The following SPNS2 variants were observed in gnomAD, a reference collection of about 807,000 sequenced individuals.
SPNS2 encodes the protein SPNS lysolipid transporter 2, sphingosine-1-phosphate.
In SPNS2, 37 loss-of-function variants were observed where a neutral mutation model predicts 57.6. That is an observed-to-expected ratio of 0.64 (90% confidence interval 0.49 to 0.85). SPNS2 has a LOEUF of 0.85. Among genes scored for constraint, SPNS2 ranks in the 40% least tolerant of loss-of-function variants. SPNS2 has a pLI of 0.00. For missense variants in SPNS2, 831 were observed against 779.1 expected (o/e 1.07, Z -0.79); for synonymous variants, 440 against 346.9 (o/e 1.27, Z -2.98).
At position 4,512,648 on chromosome 17, in the gene SPNS2, G is replaced by A. The variant is rs1388445989; in HGVS notation, c.371-599G>A. ...GGGGTGACAGTGTGTGTGTGTGCGTGCGCGCGCACGGGTATGTGTGTGCGC... is the reference window on the plus strand; with the variant it reads ...GGGGTGACAGTGTGTGTGTGTGCGTACGCGCGCACGGGTATGTGTGTGCGC... On this transcript the variant is annotated intron_variant, in intron 1 of 12. Transcript: ENST00000329078. This position sits in a 1 kb window ranked among gnomAD's most constrained non-coding sequence, Gnocchi z 5.2. Among the ~76,000 whole-genome samples, 1 of 151,880 alleles carries A rather than the reference G, an allele frequency of 6.6e-6. No individual in the cohort carries two copies. The highest frequency in any genetic ancestry group is 1.5e-5 in the Non-Finnish European group (1 of 67,906).
At chr17:4,515,699 C>T (rs191413112) in intron 2 of SPNS2, among the ~76,000 whole-genome samples, 11 of 152,358 alleles carry the variant, frequency 7.2e-5, no homozygotes, top group Non-Finnish European at 1.2e-4. Flanking sequence ...TCCCCAAGCC[C>T]GATAAGGTCG....
chr17:4,527,295 A>C (rs942391582), intron 3 of SPNS2, among the ~76,000 whole-genome samples: 1 of 152,236 alleles, frequency 6.6e-6, no homozygotes, highest in Non-Finnish European at 1.5e-5. Context: ...CAGTTATCAA[A>C]ATACAGTGAT....
rs1904868390 is a variant in SPNS2 at position 4,512,677 on chromosome 17, T to TATGTGTGTGCGCGCGC, written c.371-570_371-569insATGTGTGTGCGCGCGC. On this transcript the variant is annotated intron_variant, in intron 1 of 12. Transcript: ENST00000329078. This position sits in a 1 kb window ranked among gnomAD's most constrained non-coding sequence, Gnocchi z 5.2. ...GCGCACGGGTATGTGTGTGCGCGCG[T>TATGTGTGTGCGCGCGC]GGGTGTGTATGCATGTGTGCAGGTG... is the stretch of plus-strand genomic sequence containing the variant. Among the ~76,000 whole-genome samples, 2 of 150,516 alleles carry TATGTGTGTGCGCGCGC rather than the reference T, an allele frequency of 1.3e-5. No individual in the cohort carries two copies. Among genetic ancestry groups the TATGTGTGTGCGCGCGC allele is most frequent in the Admixed American group, 6.6e-5 (1 of 15,198 alleles).
chr17:4,536,017 C>T (rs944428584), intron 9 of SPNS2, 59 bp from the exon 10 acceptor site: 35 of 1,490,248 alleles, frequency 2.3e-5, no homozygotes, highest in South Asian at 4.7e-5. Context: ...GGCCCGGGGC[C>T]AGGGCCAAGC....
intron 2 of SPNS2, among the ~76,000 whole-genome samples, chr17:4,516,795 C>T (rs766108502): frequency 1.3e-5 from 2 of 152,166 alleles, no homozygotes; most frequent in South Asian, 2.1e-4. Flanking sequence ...AGGGAAATTC[C>T]CAGATGCCAG....
chr17:4,528,772 C>T (rs956264552), intron 3 of SPNS2, among the ~76,000 whole-genome samples: 2 of 151,652 alleles, frequency 1.3e-5, no homozygotes, highest in African/African-American at 4.8e-5. Flanking sequence ...CCCACCATGC[C>T]CAGCCTTAAA....
intron 1 of SPNS2, among the ~76,000 whole-genome samples, chr17:4,507,764 G>A (rs1320485927): frequency 1.3e-5 from 2 of 152,216 alleles, no homozygotes; most frequent in African/African-American, 4.8e-5. Context: ...CAGGGGGTAC[G>A]CGGGGACAAG....
chr17:4,524,620 G>T (rs1261616301), intron 2 of SPNS2, among the ~76,000 whole-genome samples: 2 of 152,212 alleles, frequency 1.3e-5, no homozygotes, highest in Admixed American at 1.3e-4. Context: ...GGAGATGGAG[G>T]TTGCAGTGAG....
At chr17:4,522,633 G>A (rs1294254489) in intron 2 of SPNS2, among the ~76,000 whole-genome samples, 1 of 152,208 alleles carries the variant, frequency 6.6e-6, no homozygotes, top group African/African-American at 2.4e-5. Flanking sequence ...GGCCCACGGA[G>A]GAGCAGCCGG....
chr17:4,533,112 CTG>C lies in SPNS2; in HGVS notation c.1074_1075del (p.Cys358TrpfsTer81). ...KTAETCNSPP[C>X]GAKDSLIFGA... ...CAGCAGAGACGTGCAACAGCCCGCC[CTG>C]TGGGGCCAAGGACAGGTGGGGCCCC... On this transcript the variant is annotated frameshift_variant, in exon 7 of 13. Transcript: ENST00000329078. LOFTEE classifies it high-confidence loss of function. The C allele has an allele frequency of 6.2e-7, 1 of 1,611,336 alleles. No homozygotes were observed. The highest frequency in any genetic ancestry group is 8.5e-7 in the Non-Finnish European group (1 of 1,178,922).
chr17:4,510,581 T>C lies in SPNS2; in HGVS notation c.371-2666T>C, dbSNP rs74725658. The stretch of plus-strand genomic sequence containing the variant: ...ACAGGATGTCATCATGATGGCTATT[T>C]TGATATGGCCTCCCTCCCAGAAATG... On this transcript the variant is annotated intron_variant, in intron 1 of 12. Transcript: ENST00000329078. The surrounding 1 kb of genome is among the most constrained non-coding windows in gnomAD (Gnocchi z 4.4). Among the ~76,000 whole-genome samples the C allele has an allele frequency of 2.4e-4, 37 of 152,296 alleles. No individual in the cohort carries two copies. The East Asian group carries it at 7.2e-3, about 29-fold the overall frequency.
At chr17:4,500,104 T>C (rs2326063) in intron 1 of SPNS2, among the ~76,000 whole-genome samples, 74,553 of 151,988 alleles carry the variant, frequency 0.49, 20,286 homozygotes, top group Non-Finnish European at 0.63. Flanking sequence ...TCTATGGTGC[T>C]TGGGGTGTAG....
chr17:4,532,140 ATCCATCTGTCCATCCGTCTG>A lies in SPNS2; in HGVS notation c.793-387_793-368del, dbSNP rs543950527. On this transcript the variant is annotated intron_variant, in intron 5 of 12. Coordinates refer to ENST00000329078, the MANE Select transcript of SPNS2 (RefSeq NM_001124758.3). Reference sequence around the variant, plus strand: ...CATCCGTCCGTCTATCTATCCGTTCATCCATCTGTCCATCCGTCTGTCCATCTGTCCATCTATCCGTCCAT... The same window carrying A: ...CATCCGTCCGTCTATCTATCCGTTCATCCATCTGTCCATCTATCCGTCCAT... Among the ~76,000 whole-genome samples the A allele has an allele frequency of 9.2e-3, 1,341 of 145,642 alleles. 24 individuals carry two copies. Among genetic ancestry groups the A allele is most frequent in the African/African-American group, 0.03 (1,175 of 39,612 alleles).
chr17:4,537,320 G>A (rs1003912941), intron 12 of SPNS2, 133 bp from the exon 13 acceptor site: 38 of 412,926 alleles, frequency 9.2e-5, no homozygotes, highest in Admixed American at 3.8e-4. Flanking sequence ...CCAGCAGCAC[G>A]AGACCCAGGG....
rs1567599183 is a variant in SPNS2 at position 4,537,698 on chromosome 17, A to G, written c.*250A>G. ...GTTCCCAGCCCTAGGTTTGGGCCGC[A>G]GGGCCCCTGGGGCCAAGGAAGAAGA... On this transcript the variant is annotated 3_prime_UTR_variant, in exon 13 of 13. Coordinates refer to ENST00000329078, the MANE Select transcript of SPNS2 (RefSeq NM_001124758.3). 2.2e-6 allele frequency: 1 copy of G among 456,756 alleles called. No homozygotes were observed. The highest frequency in any genetic ancestry group is 1.5e-5 in the South Asian group (1 of 64,574). The allele number at this position is 456,756 out of a possible 1,614,324, so 28.3% of individuals were successfully genotyped here. A position where few individuals can be genotyped will look rare whatever the true frequency, so the allele number is the denominator to read the frequency against.
chr17:4,532,393 C>T (rs1905526503), intron 5 of SPNS2, 149 bp from the exon 6 acceptor site: 2 of 1,199,126 alleles, frequency 1.7e-6, no homozygotes. Flanking sequence ...CAGCTTTTCT[C>T]AGCAGCCCAA....
chr17:4,508,993 C>CT (rs1904755788), intron 1 of SPNS2, among the ~76,000 whole-genome samples: 1 of 152,122 alleles, frequency 6.6e-6, no homozygotes, highest in African/African-American at 2.4e-5. Flanking sequence ...CCGGCAGGGG[C>CT]TGGAGGCAGG....
intron 2 of SPNS2, among the ~76,000 whole-genome samples, chr17:4,516,924 A>AT (rs1181735639): frequency 2.0e-5 from 3 of 152,222 alleles, no homozygotes; most frequent in African/African-American, 7.2e-5. Flanking sequence ...CAATATAAAC[A>AT]TTTTTATCAT....
At chr17:4,533,986 G>C (rs1905631501) in intron 9 of SPNS2, 133 bp downstream of exon 9, 1 of 848,770 alleles carries the variant, frequency 1.2e-6, no homozygotes, top group East Asian at 2.6e-5. Flanking sequence ...CGTGAACCCA[G>C]AGGCAGGGAG....
Sources: allele counts gnomAD v4.1 joint callset (sites outside exome capture counted in the v4.1 genomes callset), GRCh38; gene constraint gnomAD v4.1.1; non-coding constraint Gnocchi (gnomAD v3.1); transcripts MANE v1.5; gene names NCBI Gene and HGNC (gene_info 2026-07-23, HGNC 2026-07-21).